SUCO: variants seen among roughly 807,000 people sequenced by gnomAD.
The protein encoded by SUCO is SUN domain containing ossification factor, also known as SUN domain-containing ossification factor.
In SUCO, 57 loss-of-function variants were observed where a neutral mutation model predicts 148.1. The observed-to-expected ratio is 0.38, with a 90% CI of 0.31 to 0.48. SUCO has a LOEUF of 0.48. Among genes scored for constraint, SUCO ranks in the 20% least tolerant of loss-of-function variants. The pLI is 0.96. For missense variants in SUCO, 1,331 were observed against 1,468.2 expected (o/e 0.91, Z 1.53); for synonymous variants, 470 against 502.7 (o/e 0.93, Z 0.87).
chr1:172,551,519 A>G lies in SUCO; in HGVS notation c.70A>G (p.Ser24Gly), dbSNP rs761607303. The change falls in exon 2 of 24, where the codon AGC becomes GGC. Residue 24 changes from serine (S) to glycine (G), a missense_variant. Around this residue, in one of 3 missense-constraint regions of SUCO, gnomAD observed 992 missense variants for 1,093.5 expected, o/e 0.91. Transcript: ENST00000263688. The stretch of plus-strand genomic sequence containing the variant: ...GTGGTGGGTGTTTTACAGGCTTCCC[A>G]GCTGGCGTGTATGTTGTAAAGAGAG... ...LFLCSLVWLP[S>G]WRVCCKESSS... is the part of the protein sequence containing the mutation. 1.9e-6 allele frequency: 3 copies of G among 1,598,798 alleles called. No individual in the cohort carries two copies. The highest frequency in any genetic ancestry group is 1.7e-6 in the Non-Finnish European group (2 of 1,172,730).
chr1:172,552,757 T>A, intron 2 of SUCO: 2 of 431,388 alleles, frequency 4.6e-6, no homozygotes, highest in Non-Finnish European at 3.1e-6. Flanking sequence ...AAAGTGAATT[T>A]AAGCAAAGCA....
At chr1:172,547,067 A>C (rs1213989623) in intron 1 of SUCO, among the ~76,000 whole-genome samples, 2 of 152,194 alleles carry the variant, frequency 1.3e-5, no homozygotes, top group African/African-American at 4.8e-5. Context: ...TGAATCCCCC[A>C]GAGGCAAGTA....
At chr1:172,596,531 T>TG (rs1317445667) in intron 19 of SUCO, among the ~76,000 whole-genome samples, 2 of 152,226 alleles carry the variant, frequency 1.3e-5, no homozygotes, top group Non-Finnish European at 2.9e-5. Flanking sequence ...GCAGGTCTGC[T>TG]GGAGTTTGCT....
At chr1:172,592,705 T>C (rs1309906570) in intron 19 of SUCO, among the ~76,000 whole-genome samples, 1 of 152,226 alleles carries the variant, frequency 6.6e-6, no homozygotes, top group Non-Finnish European at 1.5e-5. Context: ...TGAAGTCAGG[T>C]AGCATGATGC....
intron 22 of SUCO, among the ~76,000 whole-genome samples, chr1:172,605,443 C>T (rs1657808940): frequency 6.6e-6 from 1 of 151,716 alleles, no homozygotes; most frequent in South Asian, 2.1e-4. Context: ...GTGGTCTTTG[C>T]ACCCTTCTTA....
intron 1 of SUCO, 127 bp downstream of exon 1, chr1:172,533,624 A>G: frequency 8.4e-7 from 1 of 1,196,828 alleles, no homozygotes; most frequent in Non-Finnish European, 1.1e-6. Flanking sequence ...GGAAGGGACA[A>G]ACCGATTACT....
At chr1:172,585,563 T>C (rs1251285473) in intron 16 of SUCO, among the ~76,000 whole-genome samples, 1 of 152,200 alleles carries the variant, frequency 6.6e-6, no homozygotes, top group Non-Finnish European at 1.5e-5. Context: ...ATTTATTTCC[T>C]CTCATTTAAC....
chr1:172,596,703 G>A (rs543159139), intron 19 of SUCO, among the ~76,000 whole-genome samples: 28 of 152,336 alleles, frequency 1.8e-4, no homozygotes, highest in Admixed American at 3.9e-4. Flanking sequence ...CCCCTACTGC[G>A]AGGTGCCTCC....
chr1:172,609,815 G>A lies in SUCO; in HGVS notation c.3322-1G>A. 6.3e-7 allele frequency: 1 copy of A among 1,589,578 alleles called. No homozygotes were observed. The highest frequency in any genetic ancestry group is 8.5e-7 in the Non-Finnish European group (1 of 1,172,540). ...TAACTTTTCTTTTACTTGTGTTGTA[G>A]AAGAAGCGCTGCAAGTACAAAATTG... On this transcript the variant is annotated splice_acceptor_variant, in intron 23 of 23. Transcript: ENST00000263688. LOFTEE classifies it high-confidence loss of function.
At chr1:172,557,607 A>G (rs763183210) in intron 5 of SUCO, 37 bp from the exon 6 acceptor site, 1 of 1,535,756 alleles carries the variant, frequency 6.5e-7, no homozygotes, top group Non-Finnish European at 8.8e-7. Flanking sequence ...TATCCAGTAA[A>G]ATCTGTTTAT....
intron 10 of SUCO, 26 bp downstream of exon 10, chr1:172,574,024 G>C (rs1258870257): frequency 5.4e-6 from 7 of 1,296,836 alleles, no homozygotes; most frequent in Non-Finnish European, 7.6e-6. Flanking sequence ...GTTTCTATAG[G>C]GTCTATGTTG....
At chr1:172,609,437 T>C in intron 23 of SUCO, 1 of 910,602 alleles carries the variant, frequency 1.1e-6, no homozygotes, top group Non-Finnish European at 1.3e-6. Flanking sequence ...ACCAAACATC[T>C]GAACCTTGCT....
Position 172,533,203 on chromosome 1 carries a change from A to C in SUCO, c.-233A>C. 1 of 1,515,482 alleles carries C rather than the reference A, an allele frequency of 6.6e-7. No individual in the cohort carries two copies. Among genetic ancestry groups the C allele is most frequent in the East Asian group, 2.5e-5 (1 of 40,178 alleles). The allele number at this position is 1,515,482 out of a possible 1,614,324, so 93.9% of individuals were successfully genotyped here. A position where few individuals can be genotyped will look rare whatever the true frequency, so the allele number is the denominator to read the frequency against. ...CGGGCGTGGACGAGCCGGTGGCTGC[A>C]GCGGCGGCGGTCCCCGGAGTCCTGT... On this transcript the variant is annotated 5_prime_UTR_variant, in exon 1 of 24. Coordinates refer to ENST00000263688, the MANE Select transcript of SUCO (RefSeq NM_014283.5).
chr1:172,546,097 G>A (rs1271437750), intron 1 of SUCO, among the ~76,000 whole-genome samples: 1 of 152,054 alleles, frequency 6.6e-6, no homozygotes, highest in Non-Finnish European at 1.5e-5. Context: ...CACCATGCCT[G>A]GCTAATTTTT....
chr1:172,577,844 T>C (rs1220404922), intron 13 of SUCO, 25 bp downstream of exon 13: 7 of 1,566,786 alleles, frequency 4.5e-6, no homozygotes, highest in South Asian at 1.2e-5. Flanking sequence ...AATACATTTA[T>C]TGAGTTTTTA....
At chr1:172,549,915 A>T (rs1653160753) in intron 1 of SUCO, among the ~76,000 whole-genome samples, 2 of 151,540 alleles carry the variant, frequency 1.3e-5, no homozygotes, top group African/African-American at 4.8e-5. Context: ...ATAGAAATAC[A>T]GTTTCTAAAA....
At chr1:172,532,963 G>A (rs962647303), upstream of SUCO, 2 of 914,878 alleles carry the variant, frequency 2.2e-6, no homozygotes, top group African/African-American at 1.8e-5. Context: ...GACGTCGAAG[G>A]GGGCGTGGCC....
chr1:172,571,628 T>C (rs1408582974), intron 9 of SUCO, among the ~76,000 whole-genome samples: 1 of 131,538 alleles, frequency 7.6e-6, no homozygotes, highest in Non-Finnish European at 1.6e-5. Context: ...GCCTCTTCCC[T>C]GCCGCCATCC....
chr1:172,577,511 C>A, intron 11 of SUCO, 28 bp from the exon 12 acceptor site: 2 of 1,605,248 alleles, frequency 1.2e-6, no homozygotes. Context: ...GAACTGATTT[C>A]TTTTTCTTTT....
Sources: allele counts gnomAD v4.1 joint callset (sites outside exome capture counted in the v4.1 genomes callset), GRCh38; gene constraint gnomAD v4.1.1; regional missense constraint gnomAD v4.1.1; transcripts MANE v1.5; gene names NCBI Gene and HGNC (gene_info 2026-07-23, HGNC 2026-07-21).